PLCB1: variants seen among roughly 807,000 people sequenced by gnomAD.
PLCB1 encodes 1-phosphatidylinositol 4,5-bisphosphate phosphodiesterase beta-1.
PLCB1 carries 46 observed loss-of-function variants against 161.8 expected under a neutral mutation model. The observed-to-expected ratio is 0.28, with a 90% confidence interval of 0.22 to 0.36. The LOEUF is 0.36. PLCB1 is among the 10% of genes least tolerant of loss of function. PLCB1 has a pLI of 1.00. For missense variants in PLCB1, 1,016 were observed against 1,472.5 expected, an observed-to-expected ratio of 0.69 and a Z score of 5.07; for synonymous variants, 517 against 503.7, an observed-to-expected ratio of 1.03 and a Z score of -0.35.
intron 3 of PLCB1, among the ~76,000 whole-genome samples, chr20:8,443,122 G>A (rs541627310): frequency 6.6e-6 from 1 of 152,094 alleles, no homozygotes; most frequent in South Asian, 2.1e-4. Flanking sequence ...TGGGACCACA[G>A]GTGTGCGTCA....
chr20:8,758,750 GA>G (rs1308882782), intron 24 of PLCB1, among the ~76,000 whole-genome samples: 5 of 152,148 alleles, frequency 3.3e-5, no homozygotes, highest in African/African-American at 1.2e-4. Flanking sequence ...ATGTGTTCCT[GA>G]AAGTAAAAGA....
chr20:8,231,051 C>T (rs1158653036), intron 2 of PLCB1, among the ~76,000 whole-genome samples: 3 of 152,144 alleles, frequency 2.0e-5, no homozygotes, highest in Non-Finnish European at 2.9e-5. Context: ...TTCAACTAAT[C>T]TCTGTGTCAA....
intron 3 of PLCB1, among the ~76,000 whole-genome samples, chr20:8,447,612 C>T (rs1362387441): frequency 2.0e-5 from 3 of 152,078 alleles, no homozygotes; most frequent in African/African-American, 7.2e-5. Flanking sequence ...GAAAATTGTT[C>T]TAGGAAGGCA....
chr20:8,291,761 G>C (rs1983393284), intron 2 of PLCB1, among the ~76,000 whole-genome samples: 1 of 152,150 alleles, frequency 6.6e-6, no homozygotes, highest in African/African-American at 2.4e-5. Flanking sequence ...TGTAGGTACT[G>C]TCTTTATTCC....
At chr20:8,465,259 G>T (rs1371999425) in intron 3 of PLCB1, among the ~76,000 whole-genome samples, 1 of 152,178 alleles carries the variant, frequency 6.6e-6, no homozygotes, top group Admixed American at 6.6e-5. Context: ...GTAGAGGTGG[G>T]AAATCAACCA....
At position 8,727,276 on chromosome 20, in the gene PLCB1, T is replaced by C. The variant is rs553994399; in HGVS notation, c.1679-33T>C. 51 of 1,024,932 alleles carry C rather than the reference T, an allele frequency of 5.0e-5. No homozygotes were observed. In the African/African-American group the frequency reaches 7.2e-4, roughly 14 times the overall value. The allele number at this position is 1,024,932 out of a possible 1,614,324, so 63.5% of individuals were successfully genotyped here. A position where few individuals can be genotyped will look rare whatever the true frequency, so the allele number is the denominator to read the frequency against. ...TAACAATGAATTGTATTTCTCACCT[T>C]CCCCTTTTTTGTTTTGTTGTTGCTT... On this transcript the variant is annotated intron_variant, in intron 16 of 31. Coordinates refer to ENST00000338037, the MANE Select transcript of PLCB1 (RefSeq NM_015192.4).
At chr20:8,371,586 C>T (rs2122344312) in intron 3 of PLCB1, 136 bp downstream of exon 3, 1 of 532,100 alleles carries the variant, frequency 1.9e-6, no homozygotes, top group South Asian at 3.2e-5. Context: ...ATGCCCTAAA[C>T]ACTTTCACTT....
intron 18 of PLCB1, among the ~76,000 whole-genome samples, chr20:8,731,782 G>C (rs1980261495): frequency 6.6e-6 from 1 of 151,646 alleles, no homozygotes; most frequent in African/African-American, 2.4e-5. Context: ...TAATTTTTAG[G>C]CTTTTGAAGC....
intron 2 of PLCB1, among the ~76,000 whole-genome samples, chr20:8,360,363 A>G (rs902916920): frequency 6.6e-6 from 1 of 152,168 alleles, no homozygotes; most frequent in Non-Finnish European, 1.5e-5. Context: ...GAACCAGGCT[A>G]GTATCAATAG....
intron 3 of PLCB1, among the ~76,000 whole-genome samples, chr20:8,603,360 G>A (rs1384176877): frequency 2.0e-5 from 3 of 152,050 alleles, no homozygotes; most frequent in Non-Finnish European, 2.9e-5. Flanking sequence ...ATCCAAAATC[G>A]GGTTAACATT....
chr20:8,136,208 C>T (rs1010061885), intron 1 of PLCB1, among the ~76,000 whole-genome samples: 3 of 152,184 alleles, frequency 2.0e-5, no homozygotes, highest in South Asian at 2.1e-4. Context: ...GTTTCCTCAA[C>T]GGTAACATGC....
chr20:8,531,552 A>G (rs533950122), intron 3 of PLCB1, among the ~76,000 whole-genome samples: 1 of 152,100 alleles, frequency 6.6e-6, no homozygotes, highest in Non-Finnish European at 1.5e-5. Flanking sequence ...AGCCTTCTAT[A>G]TTTGTACTCA....
At chr20:8,741,978 T>A (rs751117033) in intron 23 of PLCB1, among the ~76,000 whole-genome samples, 2 of 152,202 alleles carry the variant, frequency 1.3e-5, no homozygotes, top group Non-Finnish European at 2.9e-5. Flanking sequence ...ATTTTTATAG[T>A]ACATAAAATA....
In PLCB1 at chr20:8,426,116, G is replaced by A. The variant is rs1979758605; in HGVS notation, c.246+54666G>A. Among the ~76,000 whole-genome samples the A allele has an allele frequency of 2.0e-5, 3 of 152,144 alleles. No individual in the cohort carries two copies. The South Asian group carries it at 6.2e-4, about 31-fold the overall frequency. On this transcript the variant is annotated intron_variant, in intron 3 of 31. Coordinates refer to ENST00000338037, the MANE Select transcript of PLCB1 (RefSeq NM_015192.4). ...TTCATTTCTGCCTGGAAAAGCCAGGGACACGATGAAATGTGATTTTGTTTC... is the reference window on the plus strand; with the variant it reads ...TTCATTTCTGCCTGGAAAAGCCAGGAACACGATGAAATGTGATTTTGTTTC...
At chr20:8,792,589 A>T (rs1270408083) in intron 31 of PLCB1, 2 of 471,280 alleles carry the variant, frequency 4.2e-6, no homozygotes, top group Admixed American at 4.7e-5. Context: ...GTAAATAGGT[A>T]CCATGATGAA....
At chr20:8,254,761 A>C (rs1045163622) in intron 2 of PLCB1, among the ~76,000 whole-genome samples, 6 of 152,020 alleles carry the variant, frequency 3.9e-5, no homozygotes, top group Non-Finnish European at 8.8e-5. Context: ...CACATCACAC[A>C]TTCAAAACTA....
At chr20:8,660,768 AT>A (rs1021332500) in intron 9 of PLCB1, among the ~76,000 whole-genome samples, 3 of 152,152 alleles carry the variant, frequency 2.0e-5, no homozygotes, top group African/African-American at 7.2e-5. Flanking sequence ...AAATTTAAAT[AT>A]TTTTAAAGGC....
At chr20:8,136,625 C>CAAA (rs11404661) in intron 1 of PLCB1, among the ~76,000 whole-genome samples, 5 of 134,086 alleles carry the variant, frequency 3.7e-5, no homozygotes, top group African/African-American at 8.1e-5. Flanking sequence ...GACTCTGTCT[C>CAAA]AAAAAAAAAA....
intron 31 of PLCB1, among the ~76,000 whole-genome samples, chr20:8,839,901 C>T (rs530531641): frequency 2.6e-5 from 4 of 152,006 alleles, no homozygotes; most frequent in South Asian, 4.2e-4. Context: ...CGTGGTGGCA[C>T]ATGCCTGTAG....
Sources: gnomAD v4.1 joint callset for allele counts (sites outside exome capture counted in the v4.1 genomes callset) on GRCh38, gnomAD v4.1.1 for gene constraint, MANE v1.5 for transcripts, NCBI Gene and HGNC (gene_info 2026-07-23, HGNC 2026-07-21) for gene names.